Variants in LHFPL3 observed in about 807,000 individuals in gnomAD.
LHFPL3 encodes LHFPL tetraspan subfamily member 3.
In LHFPL3, 5 loss-of-function variants were observed where a neutral mutation model predicts 19.3. The observed-to-expected ratio is 0.26, with a 90% CI of 0.14 to 0.54. The LOEUF (loss-of-function observed/expected upper bound fraction) is 0.54, where lower values mean the gene tolerates loss of function less well. Among genes scored for constraint, LHFPL3 ranks in the 20% least tolerant of loss-of-function variants. LHFPL3 has a pLI of 0.94. For missense variants in LHFPL3, 249 were observed against 307.4 expected (o/e 0.81, Z 1.42); for synonymous variants, 133 against 126.2 (o/e 1.05, Z -0.36).
At chr7:104,425,104 G>A (rs978069383) in intron 1 of LHFPL3, among the ~76,000 whole-genome samples, 4 of 151,788 alleles carry the variant, frequency 2.6e-5, no homozygotes, top group Admixed American at 6.6e-5. Context: ...TGAGGTAGGT[G>A]AGGGACAATA....
intron 2 of LHFPL3, among the ~76,000 whole-genome samples, chr7:104,750,417 G>A (rs567260376): frequency 1.3e-5 from 2 of 152,162 alleles, no homozygotes; most frequent in Non-Finnish European, 2.9e-5. Context: ...CACCCTTAAT[G>A]TATGGCAGGA....
chr7:104,480,437 A>G (rs1793111177), intron 1 of LHFPL3, among the ~76,000 whole-genome samples: 1 of 152,176 alleles, frequency 6.6e-6, no homozygotes, highest in South Asian at 2.1e-4. Flanking sequence ...GCAGATGAAA[A>G]TCATAGAGAA....
chr7:104,375,876 A>G (rs1417412119), intron 1 of LHFPL3, among the ~76,000 whole-genome samples: 2 of 152,212 alleles, frequency 1.3e-5, no homozygotes, highest in Non-Finnish European at 2.9e-5. Context: ...GTTCTATATG[A>G]AACGGTTTTG....
At chr7:104,886,102 T>G (rs1792143178) in intron 2 of LHFPL3, among the ~76,000 whole-genome samples, 6 of 152,232 alleles carry the variant, frequency 3.9e-5, no homozygotes, top group Admixed American at 3.9e-4. Context: ...TATTACACAT[T>G]TATTTGCGTA....
chr7:104,721,532 G>T (rs1334395492), intron 1 of LHFPL3, among the ~76,000 whole-genome samples: 1 of 146,684 alleles, frequency 6.8e-6, no homozygotes, highest in Non-Finnish European at 1.5e-5. Context: ...AGAACTTAAA[G>T]TATAATTAAA....
rs188609982 is a variant in LHFPL3, at chr7:104,658,779, G to A, written c.446-77896G>A. On this transcript the variant is annotated intron_variant, in intron 1 of 2. Coordinates refer to ENST00000424859, the MANE Select transcript of LHFPL3 (RefSeq NM_199000.3). ...CACTCTAGCCTGGCCGACAGAGCGA[G>A]ACTTCATCTCAAAAAACAAACTAAA... 6.8e-4 allele frequency among the ~76,000 whole-genome samples: 104 copies of A among 152,258 alleles called. 1 individual carries two copies. Among genetic ancestry groups the A allele is most frequent in the Admixed American group, 6.3e-3 (97 of 15,300 alleles).
chr7:104,609,262 C>CA (rs1436333060), intron 1 of LHFPL3, among the ~76,000 whole-genome samples: 93 of 131,658 alleles, frequency 7.1e-4, no homozygotes, highest in African/African-American at 1.4e-3. Context: ...AAGATGCTGT[C>CA]AAAAAAAAAA....
intron 1 of LHFPL3, among the ~76,000 whole-genome samples, chr7:104,591,504 C>T (rs943298978): frequency 6.6e-6 from 1 of 152,190 alleles, no homozygotes. Flanking sequence ...TGATGGGCTT[C>T]CCTTTGTGGG....
At chr7:104,712,214 TC>T (rs879608818) in intron 1 of LHFPL3, among the ~76,000 whole-genome samples, 5 of 152,168 alleles carry the variant, frequency 3.3e-5, no homozygotes, top group Non-Finnish European at 7.3e-5. Flanking sequence ...ATGTCTTAAG[TC>T]AGTTTGGGCT....
intron 1 of LHFPL3, among the ~76,000 whole-genome samples, chr7:104,514,252 A>G (rs781253625): frequency 3.3e-5 from 5 of 152,094 alleles, no homozygotes; most frequent in Non-Finnish European, 7.4e-5. Flanking sequence ...TTGCCTAATA[A>G]ATCTTCTACT....
At chr7:104,586,968 C>T (rs781568657) in intron 1 of LHFPL3, among the ~76,000 whole-genome samples, 4 of 151,902 alleles carry the variant, frequency 2.6e-5, no homozygotes, top group Non-Finnish European at 5.9e-5. Flanking sequence ...ATTTCAGAGG[C>T]ATAAGACAGA....
chr7:104,403,947 G>A (rs1029458263), intron 1 of LHFPL3, among the ~76,000 whole-genome samples: 5 of 152,182 alleles, frequency 3.3e-5, no homozygotes, highest in Non-Finnish European at 7.3e-5. Flanking sequence ...AAAACTATGT[G>A]AAGTCCTAAT....
intron 1 of LHFPL3, among the ~76,000 whole-genome samples, chr7:104,531,457 G>A (rs1410351152): frequency 2.6e-5 from 4 of 152,162 alleles, no homozygotes; most frequent in African/African-American, 9.7e-5. Context: ...TAACTTTCTG[G>A]CATGGTGTTT....
chr7:104,743,902 T>C (rs1165513396), intron 2 of LHFPL3: 1 of 152,196 alleles, frequency 6.6e-6, no homozygotes, highest in East Asian at 1.9e-4. Flanking sequence ...TACAGTGGCA[T>C]GATCACGGCT....
intron 1 of LHFPL3, among the ~76,000 whole-genome samples, chr7:104,477,649 C>A (rs1273148781): frequency 6.6e-6 from 1 of 151,986 alleles, no homozygotes; most frequent in Non-Finnish European, 1.5e-5. Context: ...CTATTGGGTA[C>A]TAGGTATAAT....
chr7:104,834,732 C>T (rs1450537483), intron 2 of LHFPL3, among the ~76,000 whole-genome samples: 1 of 151,872 alleles, frequency 6.6e-6, no homozygotes, highest in Non-Finnish European at 1.5e-5. Context: ...TCAGCATGGC[C>T]CATGCAGGTC....
At chr7:104,901,253 A>G (rs1792477589) in intron 2 of LHFPL3, among the ~76,000 whole-genome samples, 1 of 152,192 alleles carries the variant, frequency 6.6e-6, no homozygotes, top group Non-Finnish European at 1.5e-5. Flanking sequence ...AAGTAGTTGT[A>G]ATAACATTCT....
intron 1 of LHFPL3, among the ~76,000 whole-genome samples, chr7:104,655,362 G>A (rs1792103789): frequency 6.6e-6 from 1 of 152,150 alleles, no homozygotes; most frequent in Non-Finnish European, 1.5e-5. Context: ...AGGTATCTGG[G>A]TTTACATTAT....
chr7:104,495,031 A>C (rs1373832776), intron 1 of LHFPL3, among the ~76,000 whole-genome samples: 4 of 152,134 alleles, frequency 2.6e-5, no homozygotes, highest in Non-Finnish European at 5.9e-5. Flanking sequence ...AATCCATAGC[A>C]AGAAGCAGAA....
Sources: allele counts gnomAD v4.1 joint callset (sites outside exome capture counted in the v4.1 genomes callset), GRCh38; gene constraint gnomAD v4.1.1; transcripts MANE v1.5; gene names NCBI Gene and HGNC (gene_info 2026-07-23, HGNC 2026-07-21).